XIRP2: variants seen among roughly 807,000 people sequenced by gnomAD.
XIRP2 encodes xin actin-binding repeat-containing protein 2.
A neutral mutation model predicts 277.0 loss-of-function variants in XIRP2; 236 were observed. That is an observed-to-expected ratio of 0.85 (90% confidence interval 0.77 to 0.95). The LOEUF (loss-of-function observed/expected upper bound fraction) is 0.95. XIRP2 is among the 40% of genes least tolerant of loss of function. XIRP2 has a pLI of 0.00. For missense variants in XIRP2, 4,640 were observed against 4,157.5 expected, an observed-to-expected ratio of 1.12 and a Z score of -3.19; for synonymous variants, 1,490 against 1,416.5, an observed-to-expected ratio of 1.05 and a Z score of -1.17.
At chr2:167,020,188 T>A (rs1428408941) in intron 2 of XIRP2, among the ~76,000 whole-genome samples, 2 of 152,044 alleles carry the variant, frequency 1.3e-5, no homozygotes, top group Non-Finnish European at 1.5e-5. Context: ...TTAAAGAACA[T>A]GTAAGTGATC....
chr2:166,930,812 T>C (rs1685315778), intron 2 of XIRP2, among the ~76,000 whole-genome samples: 1 of 152,216 alleles, frequency 6.6e-6, no homozygotes, highest in Admixed American at 6.5e-5. Context: ...CAGAGTTGTA[T>C]TATTTCAGAA....
rs1695763275 is a variant in XIRP2, at chr2:167,259,113, G to C, written c.*1296G>C. ...AAGAAAAATGAGAACATTTTCAATT[G>C]TGATTTAATAGATTCTGTAGATCAA... On this transcript the variant is annotated 3_prime_UTR_variant, in exon 11 of 11. Transcript: ENST00000409195. The C allele has an allele frequency of 2.5e-6, 4 of 1,611,296 alleles. No homozygotes were observed. The highest frequency in any genetic ancestry group is 1.1e-5 in the South Asian group (1 of 91,000).
intron 2 of XIRP2, among the ~76,000 whole-genome samples, chr2:166,965,244 T>A (rs1381828489): frequency 6.6e-6 from 1 of 151,918 alleles, no homozygotes; most frequent in Admixed American, 6.6e-5. Context: ...CTTACCAGTG[T>A]CACTATTCTC....
chr2:167,126,163 T>C (rs1336485656), intron 2 of XIRP2, among the ~76,000 whole-genome samples: 1 of 150,072 alleles, frequency 6.7e-6, no homozygotes, highest in Non-Finnish European at 1.5e-5. Flanking sequence ...AGGTAGCTTG[T>C]GCTCCTTGTG....
At chr2:166,985,272 AG>A (rs202015689) in intron 2 of XIRP2, among the ~76,000 whole-genome samples, 1 of 152,224 alleles carries the variant, frequency 6.6e-6, no homozygotes, top group East Asian at 1.9e-4. Context: ...GAGAGAGATA[AG>A]AAAATAAAAA....
chr2:167,104,774 T>A (rs542878727), intron 2 of XIRP2, among the ~76,000 whole-genome samples: 86 of 152,206 alleles, frequency 5.7e-4, no homozygotes, highest in African/African-American at 2.0e-3. Context: ...ACCAAATCAG[T>A]TGACCCATAA....
At chr2:167,086,562 C>T (rs1383906948) in intron 2 of XIRP2, among the ~76,000 whole-genome samples, 7 of 152,052 alleles carry the variant, frequency 4.6e-5, no homozygotes, top group East Asian at 1.9e-4. Flanking sequence ...CCATTCTCCT[C>T]ATCACTTTCA....
At chr2:167,179,108 T>A (rs1400815738) in intron 3 of XIRP2, among the ~76,000 whole-genome samples, 3 of 152,166 alleles carry the variant, frequency 2.0e-5, no homozygotes, top group African/African-American at 4.8e-5. Context: ...AAAGCTGTGT[T>A]CTTTTTATGT....
At chr2:167,217,282 A>AT (rs1433340746) in intron 4 of XIRP2, among the ~76,000 whole-genome samples, 7 of 128,266 alleles carry the variant, frequency 5.5e-5, no homozygotes, top group African/African-American at 2.5e-4. Flanking sequence ...TTAAAGTATA[A>AT]TAAAAAAAAA....
chr2:167,014,950 T>TCTCA (rs1687780880), intron 2 of XIRP2, among the ~76,000 whole-genome samples: 1 of 151,816 alleles, frequency 6.6e-6, no homozygotes, highest in African/African-American at 2.4e-5. Flanking sequence ...TTGCCTCTAA[T>TCTCA]CTCACCTCCT....
intron 1 of XIRP2, among the ~76,000 whole-genome samples, chr2:166,896,796 TTC>T (rs1480243635): frequency 6.6e-6 from 1 of 152,152 alleles, no homozygotes; most frequent in Non-Finnish European, 1.5e-5. Flanking sequence ...CCAGAGCAAC[TTC>T]TAGTCCTGCA....
rs1217419437 is a variant in XIRP2 at position 167,246,890 on chromosome 2, A to C, written c.5498A>C (p.Lys1833Thr). 3 of 1,613,510 alleles carry C rather than the reference A, an allele frequency of 1.9e-6. No homozygotes were observed. Among genetic ancestry groups the C allele is most frequent in the Non-Finnish European group, 2.5e-6 (3 of 1,179,804 alleles). Residue 1833 changes from lysine (K) to threonine (T), a missense_variant, in exon 9 of 11, where the codon AAA becomes ACA. Coordinates refer to ENST00000409195, the MANE Select transcript of XIRP2 (RefSeq NM_152381.6). ...EPQSTFGKIP[K>T]EEIIKGDLTS... ...CAGAGTACATTTGGTAAGATACCCA[A>C]AGAAGAGATTATAAAAGGTGATTTG...
intron 2 of XIRP2, among the ~76,000 whole-genome samples, chr2:167,085,493 A>G (rs1356255223): frequency 6.6e-6 from 1 of 151,690 alleles, no homozygotes. Context: ...GTTCCTGGGT[A>G]TCCTTGTTGA....
At chr2:167,005,456 A>C (rs1157597154) in intron 2 of XIRP2, among the ~76,000 whole-genome samples, 1 of 151,856 alleles carries the variant, frequency 6.6e-6, no homozygotes, top group Admixed American at 6.6e-5. Flanking sequence ...GGATTAATTA[A>C]AGTCACCCAG....
chr2:167,229,613 T>G (rs1694697649), intron 5 of XIRP2, among the ~76,000 whole-genome samples: 1 of 152,138 alleles, frequency 6.6e-6, no homozygotes, highest in South Asian at 2.1e-4. Flanking sequence ...GGGTCTGTAT[T>G]TCTCAAAATA....
chr2:167,104,051 G>A (rs1374779095), intron 2 of XIRP2, among the ~76,000 whole-genome samples: 1 of 152,028 alleles, frequency 6.6e-6, no homozygotes, highest in Non-Finnish European at 1.5e-5. Context: ...ATTCACTCAG[G>A]TTTTGTATGA....
At chr2:167,150,476 T>C (rs1458673766) in intron 3 of XIRP2, among the ~76,000 whole-genome samples, 1 of 144,394 alleles carries the variant, frequency 6.9e-6, no homozygotes, top group Non-Finnish European at 1.5e-5. Flanking sequence ...ATTGGTTTTA[T>C]TAGAAAAAAA....
At chr2:167,104,006 T>C (rs1251816468) in intron 2 of XIRP2, among the ~76,000 whole-genome samples, 1 of 152,136 alleles carries the variant, frequency 6.6e-6, no homozygotes, top group Non-Finnish European at 1.5e-5. Flanking sequence ...ACTATAATTA[T>C]TGCTAAGGCT....
intron 2 of XIRP2, among the ~76,000 whole-genome samples, chr2:167,115,465 T>C (rs1690873455): frequency 6.6e-6 from 1 of 152,208 alleles, no homozygotes. Flanking sequence ...GCTTTCTTTC[T>C]CATTTGTGTG....
Sources: gnomAD v4.1 joint callset for allele counts (sites outside exome capture counted in the v4.1 genomes callset) on GRCh38, gnomAD v4.1.1 for gene constraint, MANE v1.5 for transcripts, NCBI Gene and HGNC (gene_info 2026-07-23, HGNC 2026-07-21) for gene names.